Variants in CAPN13 observed in about 807,000 individuals in gnomAD.
CAPN13 encodes calpain 13.
Under a neutral mutation model 98.4 loss-of-function variants are expected in CAPN13, and 90 were observed. That is an observed-to-expected ratio of 0.92 (90% CI 0.77 to 1.09). The LOEUF (loss-of-function observed/expected upper bound fraction) is 1.09, where lower values mean the gene tolerates loss of function less well. Ranked by LOEUF, CAPN13 falls within the 50% of genes least tolerant of loss-of-function variation. CAPN13 has a pLI of 0.00. For synonymous variants in CAPN13, 330 were observed against 305.5 expected (o/e 1.08, Z -0.84); for missense variants, 887 against 841.3 (o/e 1.05, Z -0.67).
chr2:30,789,276 C>A (rs908523511), intron 1 of CAPN13, among the ~76,000 whole-genome samples: 13 of 152,220 alleles, frequency 8.5e-5, no homozygotes, highest in African/African-American at 2.9e-4. Flanking sequence ...TCTACCAATT[C>A]TCTGTGCATG....
intron 8 of CAPN13, among the ~76,000 whole-genome samples, chr2:30,756,331 C>T (rs779705762): frequency 6.6e-6 from 1 of 152,130 alleles, no homozygotes; most frequent in African/African-American, 2.4e-5. Flanking sequence ...GCGTCCCCCT[C>T]CTATCTAGTG....
In CAPN13 at chr2:30,741,940, G is replaced by A. The variant is rs529599215; in HGVS notation, c.1504C>T (p.Gln502Ter). The A allele has an allele frequency of 1.9e-6, 3 of 1,613,926 alleles. No homozygotes were observed. In the African/African-American group the frequency reaches 4.0e-5, roughly 22 times the overall value. ...GCATATCTGTTGAAAATGCTTTGTT[G>A]GGAGCCATGTTCTGAAGGGCTTCCC... ...MKGSPSEHGS[Q>*]QSIFNRYAQQ... Residue 502 changes from glutamine (Q) to a stop codon, truncating the protein, a stop_gained, in exon 15 of 23, where the codon CAA becomes TAA. Coordinates refer to ENST00000295055, the MANE Select transcript of CAPN13 (RefSeq NM_144575.3). LOFTEE classifies it high-confidence loss of function.
chr2:30,751,328 A>T (rs1672167592), intron 10 of CAPN13, 77 bp from the exon 11 acceptor site: 2 of 1,519,638 alleles, frequency 1.3e-6, no homozygotes, highest in Non-Finnish European at 1.8e-6. Flanking sequence ...CAGTGCAGAG[A>T]GTTCTGTGGG....
intron 8 of CAPN13, among the ~76,000 whole-genome samples, chr2:30,755,976 C>A (rs1002685803): frequency 6.6e-6 from 1 of 152,012 alleles, no homozygotes; most frequent in Non-Finnish European, 1.5e-5. Flanking sequence ...GGGAAGAAAT[C>A]GACCACCTGC....
chr2:30,802,218 T>C (rs1238429596), intron 1 of CAPN13, among the ~76,000 whole-genome samples: 1 of 151,858 alleles, frequency 6.6e-6, no homozygotes, highest in East Asian at 2.0e-4. Context: ...CCAAGCACGT[T>C]GACTAAGGGA....
At chr2:30,741,349 T>C in intron 15 of CAPN13, 1 of 978,874 alleles carries the variant, frequency 1.0e-6, no homozygotes, top group Non-Finnish European at 1.2e-6. Flanking sequence ...GGTATCACTT[T>C]CCACTTTCCA....
chr2:30,775,956 G>A lies in CAPN13; in HGVS notation c.361C>T (p.Gln121Ter). 1 of 1,611,438 alleles carries A rather than the reference G, an allele frequency of 6.2e-7. No individual in the cohort carries two copies. The highest frequency in any genetic ancestry group is 1.7e-5 in the Admixed American group (1 of 59,792). The change falls in exon 4 of 23, where the codon CAG (glutamine) becomes TAG (stop). Residue 121 changes from glutamine (Q) to a stop codon, truncating the protein, a stop_gained. Coordinates refer to ENST00000295055, the MANE Select transcript of CAPN13 (RefSeq NM_144575.3). LOFTEE classifies it high-confidence loss of function. ...CGGAAACGGAAAATGCCAGCATACT[G>A]GTGTGAAAAGCTTTGGACCATCAGG... is the stretch of plus-strand genomic sequence containing the variant. Reference protein sequence around the residue: ...KILMVQSFSHQYAGIFRFRFW... With the variant: ...KILMVQSFSH
chr2:30,759,058 CCCTCCCTCCCTCCT>C (rs1558315314), intron 7 of CAPN13, among the ~76,000 whole-genome samples: 1 of 34,390 alleles, frequency 2.9e-5, no homozygotes, highest in Non-Finnish European at 5.6e-5. Flanking sequence ...TTCCTTCCCT[CCCTCCCTCCCTCCT>C]CCCTCCCTTC....
At chr2:30,788,269 G>A (rs78945598) in intron 1 of CAPN13, among the ~76,000 whole-genome samples, 135 of 152,282 alleles carry the variant, frequency 8.9e-4, no homozygotes, top group African/African-American at 3.2e-3. Context: ...GGTTTGTTAT[G>A]ATATTAAATA....
intron 21 of CAPN13, among the ~76,000 whole-genome samples, chr2:30,731,085 T>G (rs541831262): frequency 5.8e-4 from 88 of 152,346 alleles, no homozygotes; most frequent in African/African-American, 1.9e-3. Flanking sequence ...GCTGTCCTTC[T>G]GTTCCCTCCT....
chr2:30,741,344 C>T, intron 15 of CAPN13: 1 of 971,890 alleles, frequency 1.0e-6, no homozygotes, highest in Non-Finnish European at 1.2e-6. Flanking sequence ...TCATCGGTAT[C>T]ACTTTCCACT....
chr2:30,779,310 C>CA (rs1673867249), intron 2 of CAPN13, among the ~76,000 whole-genome samples: 1 of 152,212 alleles, frequency 6.6e-6, no homozygotes, highest in Non-Finnish European at 1.5e-5. Context: ...AGACCTTGAA[C>CA]AATTCCCGTT....
chr2:30,782,732 A>G (rs1174430849), intron 2 of CAPN13, among the ~76,000 whole-genome samples: 3 of 152,160 alleles, frequency 2.0e-5, no homozygotes, highest in Non-Finnish European at 4.4e-5. Context: ...CACACAGCCC[A>G]TTTTTCAGTT....
At chr2:30,756,649 C>T (rs1245149065) in intron 8 of CAPN13, among the ~76,000 whole-genome samples, 3 of 152,104 alleles carry the variant, frequency 2.0e-5, no homozygotes, top group African/African-American at 7.2e-5. Context: ...CCCTCTGGGA[C>T]ATATTTGGCA....
intron 7 of CAPN13, among the ~76,000 whole-genome samples, chr2:30,759,065 TCCC>T (rs1558315385): frequency 0.04 from 571 of 14,162 alleles, 17 homozygotes; most frequent in East Asian, 0.18. Flanking sequence ...CCTCCCTCCC[TCCC>T]TCCTCCCTCC....
intron 1 of CAPN13, among the ~76,000 whole-genome samples, chr2:30,806,432 C>T (rs927815998): frequency 2.0e-5 from 3 of 151,908 alleles, no homozygotes; most frequent in African/African-American, 7.3e-5. Flanking sequence ...ACAACAAAAA[C>T]CCACAATACT....
intron 1 of CAPN13, among the ~76,000 whole-genome samples, chr2:30,787,756 T>C (rs955024378): frequency 6.6e-6 from 1 of 151,790 alleles, no homozygotes; most frequent in Admixed American, 6.6e-5. Context: ...GAGGGTTTTG[T>C]GGGATGGGGG....
chr2:30,731,096 G>A (rs901855716), intron 21 of CAPN13, among the ~76,000 whole-genome samples: 1 of 152,102 alleles, frequency 6.6e-6, no homozygotes, highest in African/African-American at 2.4e-5. Flanking sequence ...GTTCCCTCCT[G>A]GATTTATGAC....
intron 1 of CAPN13, among the ~76,000 whole-genome samples, chr2:30,801,733 G>T (rs575130506): frequency 2.0e-5 from 3 of 152,190 alleles, no homozygotes; most frequent in African/African-American, 7.2e-5. Context: ...CAGAAAGGGA[G>T]CCAGGGACAG....
Sources: gnomAD v4.1 joint callset for allele counts (sites outside exome capture counted in the v4.1 genomes callset) on GRCh38, gnomAD v4.1.1 for gene constraint, MANE v1.5 for transcripts, NCBI Gene and HGNC (gene_info 2026-07-23, HGNC 2026-07-21) for gene names.